The following THSD7B variants were observed in gnomAD, a reference collection of about 807,000 sequenced individuals.
The protein encoded by THSD7B is thrombospondin type 1 domain containing 7B.
Under a neutral mutation model 213.6 loss-of-function variants are expected in THSD7B, and 138 were observed. The observed-to-expected ratio is 0.65, with a 90% CI of 0.56 to 0.74. The LOEUF is 0.74. THSD7B is among the 30% of genes least tolerant of loss of function. The probability of loss-of-function intolerance (pLI) is 0.00; values close to 1 mark genes in which losing one functional copy is unlikely to be tolerated. For missense variants in THSD7B, 1,931 were observed against 1,991.5 expected (o/e 0.97, Z 0.58); for synonymous variants, 742 against 687.0 (o/e 1.08, Z -1.25).
chr2:136,905,955 G>T (rs1049785255), intron 2 of THSD7B, among the ~76,000 whole-genome samples: 1 of 152,186 alleles, frequency 6.6e-6, no homozygotes, highest in Admixed American at 6.5e-5. Context: ...GCAGAATCAA[G>T]CTGTGACATT....
intron 7 of THSD7B, among the ~76,000 whole-genome samples, chr2:137,204,780 C>T (rs2375120): frequency 0.59 from 90,286 of 151,792 alleles, 27,225 homozygotes; most frequent in South Asian, 0.71. Flanking sequence ...GTATGATTTG[C>T]AGTATGTGTC....
intron 19 of THSD7B, among the ~76,000 whole-genome samples, chr2:137,619,998 G>A (rs1372501900): frequency 6.6e-6 from 1 of 152,064 alleles, no homozygotes; most frequent in Non-Finnish European, 1.5e-5. Flanking sequence ...GTGTTTCTCA[G>A]GTGCTTTATT....
chr2:137,642,150 T>A (rs1682950749), intron 20 of THSD7B: 1 of 185,816 alleles, frequency 5.4e-6, no homozygotes, highest in Non-Finnish European at 1.1e-5. Context: ...CAGGATGCCT[T>A]GATCATGCTA....
In THSD7B at chr2:137,275,255, C is replaced by T. The variant is rs76638691; in HGVS notation, c.2397-668C>T. On this transcript the variant is annotated intron_variant, in intron 11 of 27. Coordinates refer to ENST00000409968, the MANE Select transcript of THSD7B (RefSeq NM_001316349.2). ...GTATTTTATCAACAGCAGGTCCATT[C>T]CTCTTTCCTAAGATTAACTATCAGA... Among the ~76,000 whole-genome samples the T allele has an allele frequency of 6.3e-4, 96 of 152,166 alleles. 1 individual carries two copies. The East Asian group carries it at 0.012, about 19-fold the overall frequency.
intron 3 of THSD7B, among the ~76,000 whole-genome samples, chr2:137,078,702 C>T (rs971055198): frequency 1.3e-5 from 2 of 151,478 alleles, no homozygotes; most frequent in Non-Finnish European, 2.9e-5. Flanking sequence ...AAATTTAATT[C>T]ATTTATTTTC....
intron 20 of THSD7B, among the ~76,000 whole-genome samples, chr2:137,622,956 A>G (rs576441450): frequency 2.6e-5 from 4 of 152,144 alleles, no homozygotes; most frequent in African/African-American, 7.2e-5. Context: ...GAAAAAGAGG[A>G]AATCCTCCCT....
chr2:136,801,588 G>T (rs1466852742), intron 1 of THSD7B, among the ~76,000 whole-genome samples: 1 of 152,086 alleles, frequency 6.6e-6, no homozygotes, highest in African/African-American at 2.4e-5. Context: ...TTCCTCTTCT[G>T]CTGTTTTGAT....
At chr2:137,272,306 C>A (rs2117744) in intron 10 of THSD7B, among the ~76,000 whole-genome samples, 1 of 151,802 alleles carries the variant, frequency 6.6e-6, no homozygotes, top group Non-Finnish European at 1.5e-5. Context: ...ATTAAGACAG[C>A]GGGAAATAAT....
chr2:137,554,655 A>T (rs1456568791), intron 15 of THSD7B, among the ~76,000 whole-genome samples: 1 of 152,068 alleles, frequency 6.6e-6, no homozygotes, highest in African/African-American at 2.4e-5. Flanking sequence ...TGCATTTCCA[A>T]CTGAGGTACC....
rs75120355 is a variant in THSD7B, at chr2:137,252,701, G to A, written c.2266+10129G>A. 5.5e-3 allele frequency among the ~76,000 whole-genome samples: 832 copies of A among 152,304 alleles called. 11 individuals carry two copies. Among genetic ancestry groups the A allele is most frequent in the African/African-American group, 0.019 (792 of 41,570 alleles). On this transcript the variant is annotated intron_variant, in intron 10 of 27. Coordinates refer to ENST00000409968, the MANE Select transcript of THSD7B (RefSeq NM_001316349.2). ...ATGTGGAAGGGGAGGGGACAGTGAT[G>A]CACAAAGGTGGCAGAGAATGATGCA...
At chr2:137,237,628 T>C (rs1244557560) in intron 9 of THSD7B, among the ~76,000 whole-genome samples, 1 of 152,200 alleles carries the variant, frequency 6.6e-6, no homozygotes, top group Non-Finnish European at 1.5e-5. Context: ...AAAAGTCTTT[T>C]CTCTGTCAGT....
In THSD7B at chr2:137,411,884, G is replaced by C; in HGVS notation, c.2959+12G>C. On this transcript the variant is annotated intron_variant, in intron 14 of 27. Coordinates refer to ENST00000409968, the MANE Select transcript of THSD7B (RefSeq NM_001316349.2). ...CTGCAGCAGCTCTGGTAAGGAGATG[G>C]ATGGAGAGTAACAGATGAGAACACT... 1.2e-6 allele frequency: 2 copies of C among 1,613,568 alleles called. No individual in the cohort carries two copies. The highest frequency in any genetic ancestry group is 1.7e-6 in the Non-Finnish European group (2 of 1,179,586).
chr2:137,230,895 A>G, intron 7 of THSD7B, 149 bp from the exon 8 acceptor site: 4 of 723,792 alleles, frequency 5.5e-6, no homozygotes, highest in Non-Finnish European at 8.9e-6. Context: ...ATGCCAAATT[A>G]TCTCCTGGCA....
rs556931413 is a variant in THSD7B at position 137,196,079 on chromosome 2, G to T, written c.1723+25141G>T. On this transcript the variant is annotated intron_variant, in intron 7 of 27. Coordinates refer to ENST00000409968, the MANE Select transcript of THSD7B (RefSeq NM_001316349.2). ...GCACAAAAAGTGCCTATAGACAACAGGGTGAAAAAGTGTGAAGGGCTTTTT... is the reference window on the plus strand; with the variant it reads ...GCACAAAAAGTGCCTATAGACAACATGGTGAAAAAGTGTGAAGGGCTTTTT... Among the ~76,000 whole-genome samples the T allele has an allele frequency of 6.6e-5, 10 of 152,306 alleles. No homozygotes were observed. In the East Asian group the frequency reaches 1.9e-3, roughly 29 times the overall value.
intron 12 of THSD7B, among the ~76,000 whole-genome samples, chr2:137,372,492 G>A (rs1449446369): frequency 6.6e-6 from 1 of 151,658 alleles, no homozygotes; most frequent in Non-Finnish European, 1.5e-5. Flanking sequence ...AAAGTTACAG[G>A]CAAAGGTATA....
chr2:137,417,672 A>G (rs916388538), intron 14 of THSD7B, among the ~76,000 whole-genome samples: 1 of 152,028 alleles, frequency 6.6e-6, no homozygotes, highest in South Asian at 2.1e-4. Context: ...GGCTCAAGCG[A>G]TCCTCCCACC....
At chr2:136,846,067 C>T (rs151179595) in intron 1 of THSD7B, among the ~76,000 whole-genome samples, 580 of 152,180 alleles carry the variant, frequency 3.8e-3, no homozygotes, top group South Asian at 4.8e-3. Flanking sequence ...CTTCCCAAGA[C>T]GAGCAAGGGA....
intron 1 of THSD7B, among the ~76,000 whole-genome samples, chr2:136,776,895 A>G (rs1681619447): frequency 6.6e-6 from 1 of 152,086 alleles, no homozygotes; most frequent in Non-Finnish European, 1.5e-5. Context: ...AAGAAAACAT[A>G]CAGATATTTG....
intron 15 of THSD7B, among the ~76,000 whole-genome samples, chr2:137,556,580 G>T (rs1350236080): frequency 2.6e-5 from 4 of 152,188 alleles, no homozygotes; most frequent in African/African-American, 9.7e-5. Context: ...ACCAGCCACT[G>T]CAAAAACATG....
Sources: gnomAD v4.1 joint callset for allele counts (sites outside exome capture counted in the v4.1 genomes callset) on GRCh38, gnomAD v4.1.1 for gene constraint, MANE v1.5 for transcripts, NCBI Gene and HGNC (gene_info 2026-07-23, HGNC 2026-07-21) for gene names.